CYP3A7: variants seen among roughly 807,000 people sequenced by gnomAD.
The protein encoded by CYP3A7 is cytochrome P450 3A7.
In CYP3A7, 45 loss-of-function variants were observed where a neutral mutation model predicts 55.2. The ratio of observed to expected loss-of-function variants is 0.82; its 90% CI spans 0.64 to 1.05. CYP3A7 has a LOEUF of 1.05. Ranked by LOEUF, CYP3A7 falls within the 50% of genes least tolerant of loss-of-function variation. The pLI, the probability that CYP3A7 is intolerant of heterozygous loss-of-function variation, is 0.00. For synonymous variants in CYP3A7, 180 were observed against 207.4 expected, an observed-to-expected ratio of 0.87 and a Z score of 1.13; for missense variants, 548 against 605.3, an observed-to-expected ratio of 0.91 and a Z score of 0.99.
chr7:99,720,240 G>A, intron 4 of CYP3A7, 73 bp downstream of exon 4: 1 of 1,566,520 alleles, frequency 6.4e-7, no homozygotes, highest in South Asian at 1.1e-5. Flanking sequence ...AACTGTCTAT[G>A]AATATATAAG....
intron 3 of CYP3A7, 98 bp from the exon 4 acceptor site, chr7:99,720,510 T>A (rs778614676): frequency 3.8e-6 from 5 of 1,307,380 alleles, no homozygotes; most frequent in Middle Eastern, 3.7e-4. Flanking sequence ...CATTACATAA[T>A]CCTCTAGATG....
chr7:99,722,932 G>A (rs1425534300), intron 2 of CYP3A7, among the ~76,000 whole-genome samples: 1 of 152,092 alleles, frequency 6.6e-6, no homozygotes, highest in African/African-American at 2.4e-5. Flanking sequence ...TCGCTTTCCA[G>A]TTTTCCAGCT....
chr7:99,713,058 G>C (rs1813814853), intron 9 of CYP3A7, among the ~76,000 whole-genome samples: 1 of 152,214 alleles, frequency 6.6e-6, no homozygotes, highest in South Asian at 2.1e-4. Context: ...TTAGGTGTTA[G>C]ATGCATTAAG....
At chr7:99,717,104 A>G (rs45600842) in intron 6 of CYP3A7, 73 bp downstream of exon 6, 67,564 of 1,595,784 alleles carry the variant, frequency 0.042, 4,804 homozygotes, top group East Asian at 0.24. Context: ...CAACAGCGGG[A>G]GTATCAGCTC....
chr7:99,714,462 C>G, intron 8 of CYP3A7, 93 bp downstream of exon 8: 2 of 1,558,868 alleles, frequency 1.3e-6, no homozygotes, highest in Non-Finnish European at 1.7e-6. Flanking sequence ...AAATCTTTCT[C>G]TAAAAACATA....
At chr7:99,718,520 A>G (rs1181317801) in intron 4 of CYP3A7, among the ~76,000 whole-genome samples, 2 of 152,194 alleles carry the variant, frequency 1.3e-5, no homozygotes, top group East Asian at 3.8e-4. Context: ...TCAGCAAACT[A>G]GGGAGAGAAA....
chr7:99,724,288 A>T (rs184303828), intron 2 of CYP3A7, among the ~76,000 whole-genome samples: 1 of 152,240 alleles, frequency 6.6e-6, no homozygotes, highest in East Asian at 1.9e-4. Flanking sequence ...CTCAATACAA[A>T]CTGGACAATG....
At position 99,734,257 on chromosome 7, in the gene CYP3A7, T is replaced by C. The variant is rs528828158; in HGVS notation, c.71+766A>G. ...TTCCTTACTCTTAATAACTGTGAAATTGAGTTAGAAGTAAAATGTGACAGG... is the reference window on the plus strand; with the variant it reads ...TTCCTTACTCTTAATAACTGTGAAACTGAGTTAGAAGTAAAATGTGACAGG... On this transcript the variant is annotated intron_variant, in intron 1 of 12. Coordinates refer to ENST00000336374, the MANE Select transcript of CYP3A7 (RefSeq NM_000765.5). 2.0e-5 allele frequency among the ~76,000 whole-genome samples: 3 copies of C among 152,352 alleles called. No homozygotes were observed. The South Asian group carries it at 6.2e-4, about 32-fold the overall frequency.
intron 10 of CYP3A7, among the ~76,000 whole-genome samples, chr7:99,709,464 A>AGT (rs1813662376): frequency 6.6e-6 from 1 of 152,162 alleles, no homozygotes. Flanking sequence ...GGAGTTATGA[A>AGT]AGCAGGAGAC....
In CYP3A7 at chr7:99,708,951, C is replaced by T. The variant is rs1457675225; in HGVS notation, c.1253+84G>A. Reference sequence around the variant, plus strand: ...ATAAAAAGACAAGCAAACGATTGTACAAGCCCAGACTGTCCTGTAGAGAGG... The same window carrying T: ...ATAAAAAGACAAGCAAACGATTGTATAAGCCCAGACTGTCCTGTAGAGAGG... On this transcript the variant is annotated intron_variant, in intron 11 of 12. Coordinates refer to ENST00000336374, the MANE Select transcript of CYP3A7 (RefSeq NM_000765.5). 8 of 1,454,818 alleles carry T rather than the reference C, an allele frequency of 5.5e-6. No individual in the cohort carries two copies. The East Asian group carries it at 1.4e-4, about 25-fold the overall frequency. 90.1% of individuals were successfully genotyped at this position (1,454,818 alleles called of 1,614,324 possible). A position where few individuals can be genotyped will look rare whatever the true frequency, so the allele number is the denominator to read the frequency against.
chr7:99,734,941 C>G (rs942580335), intron 1 of CYP3A7, 82 bp downstream of exon 1: 1 of 1,604,276 alleles, frequency 6.2e-7, no homozygotes, highest in East Asian at 2.2e-5. Context: ...TTTTGCTATT[C>G]AAAACAGATA....
rs1234371055 is a variant in CYP3A7 at position 99,709,126 on chromosome 7, T to C, written c.1162A>G (p.Ile388Val). 2 of 1,613,968 alleles carry C rather than the reference T, an allele frequency of 1.2e-6. No homozygotes were observed. Among genetic ancestry groups the C allele is most frequent in the South Asian group, 2.2e-5 (2 of 91,084 alleles). ...KKDVEINGMF[I>V]PKGVVVMIPS... ...ATCATCACCACCACCCCTTTGGGAA[T>C]AAACATCCCATTGATTTCAACATCT... Residue 388 changes from isoleucine (I) to valine (V), a missense_variant, in exon 11 of 13, where the codon ATT becomes GTT. Transcript: ENST00000336374.
intron 4 of CYP3A7, among the ~76,000 whole-genome samples, chr7:99,718,135 G>A (rs151236044): frequency 0.014 from 2,189 of 152,156 alleles, 47 homozygotes; most frequent in African/African-American, 0.05. Flanking sequence ...GGTGGGGAGA[G>A]GGGGGAAGGA....
At chr7:99,721,742 C>CGTGT (rs45490295) in intron 3 of CYP3A7, among the ~76,000 whole-genome samples, 9 of 151,266 alleles carry the variant, frequency 5.9e-5, no homozygotes, top group South Asian at 4.2e-4. Flanking sequence ...AATTATGACA[C>CGTGT]GTGTGTGTGT....
At chr7:99,719,157 A>G (rs1262351891) in intron 4 of CYP3A7, among the ~76,000 whole-genome samples, 1 of 152,170 alleles carries the variant, frequency 6.6e-6, no homozygotes, top group East Asian at 1.9e-4. Context: ...CTCATTCTGA[A>G]TTTTTATGGA....
rs775307550 is a variant in CYP3A7 at position 99,707,859 on chromosome 7, C to T, written c.1369G>A (p.Val457Ile). ...AAGGAGAAGTTCTGAAGGACTCTGA[C>T]TAGAGCAAGTTTCATGTTCACGAGA... ...FALVNMKLAL[V>I]RVLQNFSFKP... The change falls in exon 12 of 13, where the codon GTC (valine) becomes ATC (isoleucine). Residue 457 changes from valine (V) to isoleucine (I), a missense_variant. Val to Ile is a conservative substitution (Grantham distance 29). Transcript: ENST00000336374. The T allele has an allele frequency of 1.9e-6, 3 of 1,613,996 alleles. No individual in the cohort carries two copies. The highest frequency in any genetic ancestry group is 1.3e-5 in the African/African-American group (1 of 75,036).
chr7:99,717,470 G>C (rs1353968555), intron 5 of CYP3A7, 56 bp downstream of exon 5: 2 of 1,605,422 alleles, frequency 1.2e-6, no homozygotes, highest in African/African-American at 1.3e-5. Context: ...CTTTCTACCT[G>C]TCCCCACCTG....
At position 99,722,260 on chromosome 7, in the gene CYP3A7, A is replaced by G. The variant is rs753088313; in HGVS notation, c.218+36T>C. The G allele has an allele frequency of 2.5e-6, 4 of 1,613,078 alleles. No homozygotes were observed. In the East Asian group the frequency reaches 8.9e-5, roughly 36 times the overall value. ...GCAGTGGGGTAAACTCATCATAGAA[A>G]CAAGTCTATCCAATGGAATCTTCCA... is the stretch of plus-strand genomic sequence containing the variant. On this transcript the variant is annotated intron_variant, in intron 3 of 12. Coordinates refer to ENST00000336374, the MANE Select transcript of CYP3A7 (RefSeq NM_000765.5).
intron 2 of CYP3A7, among the ~76,000 whole-genome samples, chr7:99,726,860 C>T (rs1279447893): frequency 6.6e-6 from 1 of 152,194 alleles, no homozygotes; most frequent in African/African-American, 2.4e-5. Flanking sequence ...CCGTTACGTA[C>T]CTCAGCATAA....
Sources: gnomAD v4.1 joint callset for allele counts (sites outside exome capture counted in the v4.1 genomes callset) on GRCh38, gnomAD v4.1.1 for gene constraint, MANE v1.5 for transcripts, NCBI Gene and HGNC (gene_info 2026-07-23, HGNC 2026-07-21) for gene names.